The following GNB1 variants were observed in gnomAD, a reference collection of about 807,000 sequenced individuals.
The protein encoded by GNB1 is guanine nucleotide-binding protein G(I)/G(S)/G(T) subunit beta-1.
In GNB1, 2 loss-of-function variants were observed where a neutral mutation model predicts 42.9. That is an observed-to-expected ratio of 0.05 (90% confidence interval 0.02 to 0.15). GNB1 has a LOEUF of 0.15. Among genes scored for constraint, GNB1 ranks in the 10% least tolerant of loss-of-function variants. GNB1 has a pLI of 1.00. For synonymous variants in GNB1, 183 were observed against 174.7 expected (o/e 1.05, Z -0.38); for missense variants, 193 against 462.2 (o/e 0.42, Z 5.34).
In GNB1 at chr1:1,827,703, C is replaced by A. The variant is rs79701148; in HGVS notation, c.-46-2204G>T. ...TGCATTCTTTCTGCATGCCCTGACA[C>A]TACTCACTTGTATTTCACACATGAT... On this transcript the variant is annotated intron_variant, in intron 2 of 11. Coordinates refer to ENST00000378609, the MANE Select transcript of GNB1 (RefSeq NM_002074.5). 8.3e-3 allele frequency among the ~76,000 whole-genome samples: 1,257 copies of A among 152,294 alleles called. 21 individuals carry two copies. Among genetic ancestry groups the A allele is most frequent in the African/African-American group, 0.029 (1,219 of 41,556 alleles).
chr1:1,858,966 G>A (rs1648454541), intron 1 of GNB1, among the ~76,000 whole-genome samples: 1 of 152,042 alleles, frequency 6.6e-6, no homozygotes, highest in Non-Finnish European at 1.5e-5. Context: ...CAACCCATTA[G>A]TAATTGTGGC....
intron 1 of GNB1, among the ~76,000 whole-genome samples, chr1:1,858,253 A>G (rs1648414017): frequency 6.6e-6 from 1 of 152,254 alleles, no homozygotes; most frequent in South Asian, 2.1e-4. Flanking sequence ...AAAGGCAGTC[A>G]CTTGTTATTC....
chr1:1,817,628 T>C, intron 4 of GNB1: 2 of 457,716 alleles, frequency 4.4e-6, no homozygotes, highest in Non-Finnish European at 8.0e-6. Context: ...TAGATGATTA[T>C]TCAAGGCTTG....
In GNB1 at chr1:1,829,612, C is replaced by T. The variant is rs557856616; in HGVS notation, c.-46-4113G>A. ...ACAACCTTCTGGTTCCCATAAACAG[C>T]CTTCTCAGTGGCTCTTAGTTCATCT... On this transcript the variant is annotated intron_variant, in intron 2 of 11. Coordinates refer to ENST00000378609, the MANE Select transcript of GNB1 (RefSeq NM_002074.5). 2.0e-5 allele frequency among the ~76,000 whole-genome samples: 3 copies of T among 152,298 alleles called. No individual in the cohort carries two copies. The South Asian group carries it at 6.2e-4, about 32-fold the overall frequency.
rs1557939011 is a variant in GNB1 at position 1,865,279 on chromosome 1, CAAAAAAAAA to C, written c.-96+25532_-96+25540del. Reference sequence around the variant, plus strand: ...TCCATCTCAAAAAACAAAAAAAAAACAAAAAAAAACCAAAAAAAAAAAACAGGCAACACA... The same window carrying C: ...TCCATCTCAAAAAACAAAAAAAAAACCCAAAAAAAAAAAACAGGCAACACA... On this transcript the variant is annotated intron_variant, in intron 1 of 11. Transcript: ENST00000378609. Among the ~76,000 whole-genome samples the C allele has an allele frequency of 9.3e-3, 1,182 of 127,018 alleles. 20 individuals are homozygous for C. The highest frequency in any genetic ancestry group is 0.034 in the African/African-American group (1,136 of 33,570). The allele number at this position is 127,018 out of a possible 152,430, so 83.3% of individuals were successfully genotyped here. A position where few individuals can be genotyped will look rare whatever the true frequency, so the allele number is the denominator to read the frequency against.
At chr1:1,854,232 C>A (rs577348614) in intron 1 of GNB1, among the ~76,000 whole-genome samples, 2 of 152,268 alleles carry the variant, frequency 1.3e-5, no homozygotes, top group Admixed American at 1.3e-4. Flanking sequence ...TAGAAGGTGG[C>A]CAGAGAAGGC....
At chr1:1,795,246 C>T (rs1274407125) in intron 7 of GNB1, among the ~76,000 whole-genome samples, 2 of 152,116 alleles carry the variant, frequency 1.3e-5, no homozygotes, top group African/African-American at 2.4e-5. Flanking sequence ...GGTCTCCACC[C>T]GAGCCCTCCT....
intron 1 of GNB1, among the ~76,000 whole-genome samples, chr1:1,888,321 G>C (rs115277363): frequency 0.015 from 2,316 of 151,632 alleles, 63 homozygotes; most frequent in African/African-American, 0.053. Flanking sequence ...ACTGGGAGGG[G>C]GCACAGGCAC....
intron 1 of GNB1, among the ~76,000 whole-genome samples, chr1:1,853,467 C>T (rs1648097807): frequency 1.3e-5 from 2 of 152,098 alleles, no homozygotes; most frequent in African/African-American, 4.8e-5. Flanking sequence ...CCACTAGTCT[C>T]TTAAAGAGAA....
chr1:1,843,892 C>T (rs1167245773), intron 1 of GNB1, among the ~76,000 whole-genome samples: 2 of 151,672 alleles, frequency 1.3e-5, no homozygotes, highest in African/African-American at 2.4e-5. Context: ...AAACCCTCTC[C>T]ACTAAAAATA....
chr1:1,807,464 A>G (rs575336197), intron 5 of GNB1, among the ~76,000 whole-genome samples: 60 of 62,722 alleles, frequency 9.6e-4, no homozygotes, highest in South Asian at 6.6e-3. Flanking sequence ...ATCCTGACTG[A>G]AAAAAAAAAA....
chr1:1,799,723 G>T (rs1646599211), intron 7 of GNB1, among the ~76,000 whole-genome samples: 1 of 152,240 alleles, frequency 6.6e-6, no homozygotes, highest in South Asian at 2.1e-4. Flanking sequence ...AAGAAAGGCA[G>T]GACATGGTTT....
chr1:1,847,458 T>A (rs1647729331), intron 1 of GNB1, among the ~76,000 whole-genome samples: 1 of 152,170 alleles, frequency 6.6e-6, no homozygotes, highest in African/African-American at 2.4e-5. Flanking sequence ...AATGAAGTGG[T>A]CTACTTACCC....
At chr1:1,856,672 C>T (rs1008260522) in intron 1 of GNB1, among the ~76,000 whole-genome samples, 37 of 152,152 alleles carry the variant, frequency 2.4e-4, no homozygotes, top group Non-Finnish European at 1.8e-4. Flanking sequence ...GTGATCCGCC[C>T]GCCTTGGCCT....
At chr1:1,868,799 A>G (rs1649086252) in intron 1 of GNB1, among the ~76,000 whole-genome samples, 1 of 151,698 alleles carries the variant, frequency 6.6e-6, no homozygotes, top group African/African-American at 2.4e-5. Flanking sequence ...AAAAAGTGAA[A>G]AAGTTTTAGG....
chr1:1,839,454 T>G (rs1005234881), intron 1 of GNB1, among the ~76,000 whole-genome samples: 2 of 152,198 alleles, frequency 1.3e-5, no homozygotes, highest in Non-Finnish European at 2.9e-5. Context: ...TCTTTAAGAA[T>G]CCTTAGAAAT....
chr1:1,832,298 C>T (rs1013213708), intron 2 of GNB1: 3 of 152,168 alleles, frequency 2.0e-5, no homozygotes, highest in Non-Finnish European at 4.4e-5. Context: ...CACCCACCAC[C>T]AGGTTTCCCT....
chr1:1,799,239 C>A (rs1250874921), intron 7 of GNB1, among the ~76,000 whole-genome samples: 3 of 152,126 alleles, frequency 2.0e-5, no homozygotes, highest in African/African-American at 7.2e-5. Flanking sequence ...TCTTAAGAGG[C>A]CAAATGTGTG....
intron 1 of GNB1, among the ~76,000 whole-genome samples, chr1:1,877,805 A>C (rs1298791790): frequency 6.6e-6 from 1 of 152,334 alleles, no homozygotes; most frequent in South Asian, 2.1e-4. Flanking sequence ...AAAAACAAGA[A>C]GAGTGGCTAG....
Sources: gnomAD v4.1 joint callset for allele counts (sites outside exome capture counted in the v4.1 genomes callset) on GRCh38, gnomAD v4.1.1 for gene constraint, MANE v1.5 for transcripts, NCBI Gene and HGNC (gene_info 2026-07-23, HGNC 2026-07-21) for gene names.